Variants in CCDC18 observed in about 807,000 individuals in gnomAD.
The protein encoded by CCDC18 is coiled-coil domain containing 18.
CCDC18 carries 157 observed loss-of-function variants against 196.0 expected under a neutral mutation model. That is an observed-to-expected ratio of 0.80 (90% confidence interval 0.70 to 0.91). The LOEUF (loss-of-function observed/expected upper bound fraction) is 0.91, where lower values mean the gene tolerates loss of function less well. CCDC18 is among the 40% of genes least tolerant of loss of function. The pLI is 0.00. For missense variants in CCDC18, 1,465 were observed against 1,611.6 expected (o/e 0.91, Z 1.56); for synonymous variants, 482 against 529.2 (o/e 0.91, Z 1.22).
At chr1:93,278,050 G>T (rs1041643831) in intron 28 of CCDC18, among the ~76,000 whole-genome samples, 1 of 151,770 alleles carries the variant, frequency 6.6e-6, no homozygotes, top group African/African-American at 2.4e-5. Context: ...GCAGTGGTGC[G>T]ATCTCGGCTC....
chr1:93,240,245 TCTCA>T (rs1660596958), intron 21 of CCDC18, among the ~76,000 whole-genome samples: 1 of 152,222 alleles, frequency 6.6e-6, no homozygotes, highest in Non-Finnish European at 1.5e-5. Context: ...TCACATATGA[TCTCA>T]CTCATTTCCT....
At position 93,185,824 on chromosome 1, in the gene CCDC18, A is replaced by G. The variant is rs150298173; in HGVS notation, c.304-521A>G. The stretch of plus-strand genomic sequence containing the variant: ...ATCACTCAAAATAAAGTTAATTAAA[A>G]GAAATGTTTTGAAAATCACAATCCT... On this transcript the variant is annotated intron_variant, in intron 3 of 28. Coordinates refer to ENST00000690025, the MANE Select transcript of CCDC18 (RefSeq NM_001378204.1). 2.2e-4 allele frequency among the ~76,000 whole-genome samples: 33 copies of G among 152,066 alleles called. No homozygotes were observed. The East Asian group carries it at 6.4e-3, about 29-fold the overall frequency.
At chr1:93,206,095 G>A (rs1654663655) in intron 8 of CCDC18, among the ~76,000 whole-genome samples, 2 of 149,124 alleles carry the variant, frequency 1.3e-5, no homozygotes, top group South Asian at 2.2e-4. Flanking sequence ...CTCTCTTTTA[G>A]TACATCATGT....
chr1:93,199,548 CTCTTG>C (rs1016040885), intron 6 of CCDC18, among the ~76,000 whole-genome samples: 1 of 152,222 alleles, frequency 6.6e-6, no homozygotes, highest in African/African-American at 2.4e-5. Flanking sequence ...TTCTCTCCTT[CTCTTG>C]TCTTTTCTTC....
chr1:93,203,382 G>T (rs1338426575), intron 7 of CCDC18, among the ~76,000 whole-genome samples: 3 of 152,088 alleles, frequency 2.0e-5, no homozygotes, highest in Non-Finnish European at 4.4e-5. Flanking sequence ...GTATCTATAG[G>T]TCTGGATTTA....
In CCDC18 at chr1:93,232,591, C is replaced by G. The variant is rs776209778; in HGVS notation, c.2458C>G (p.Gln820Glu). The change falls in exon 18 of 29, where the codon CAG becomes GAG. Residue 820 changes from glutamine (Q) to glutamate (E), a missense_variant and splice_region_variant. Physicochemically the swap from Gln to Glu is conservative, Grantham distance 29. Transcript: ENST00000690025. Reference protein sequence around the residue: ...LEDTQTKLEKQVSKLEQELQK... With the variant: ...LEDTQTKLEKEVSKLEQELQK... ...AGATACTCAAACTAAACTTGAAAAACAGGTATATATTATTAGCCCAAGATT... is the reference window on the plus strand; with the variant it reads ...AGATACTCAAACTAAACTTGAAAAAGAGGTATATATTATTAGCCCAAGATT... 6.3e-7 allele frequency: 1 copy of G among 1,581,512 alleles called. No individual in the cohort carries two copies. The highest frequency in any genetic ancestry group is 8.6e-7 in the Non-Finnish European group (1 of 1,158,972).
chr1:93,246,611 A>T (rs1398809820), intron 22 of CCDC18, among the ~76,000 whole-genome samples: 1 of 151,902 alleles, frequency 6.6e-6, no homozygotes, highest in Non-Finnish European at 1.5e-5. Flanking sequence ...ATGTATTGTT[A>T]AAAAAAATGC....
chr1:93,220,337 G>A (rs927277143), intron 14 of CCDC18, among the ~76,000 whole-genome samples: 3 of 152,092 alleles, frequency 2.0e-5, no homozygotes, highest in Non-Finnish European at 2.9e-5. Flanking sequence ...ATGAAGGACC[G>A]CATAGAGAAT....
At chr1:93,231,999 G>T (rs1659312267) in intron 17 of CCDC18, among the ~76,000 whole-genome samples, 1 of 152,118 alleles carries the variant, frequency 6.6e-6, no homozygotes, top group South Asian at 2.1e-4. Context: ...CCTTTTTATA[G>T]CAGTAAAATG....
intron 23 of CCDC18, among the ~76,000 whole-genome samples, chr1:93,248,867 G>A (rs909844237): frequency 4.6e-5 from 7 of 151,624 alleles, no homozygotes; most frequent in African/African-American, 1.7e-4. Flanking sequence ...CAGCTATTAA[G>A]GAGGCTGAGG....
chr1:93,269,307 A>G (rs1368272376), intron 27 of CCDC18, among the ~76,000 whole-genome samples: 1 of 150,816 alleles, frequency 6.6e-6, no homozygotes, highest in Non-Finnish European at 1.5e-5. Flanking sequence ...GGATAGCATT[A>G]AGAGAAATCC....
At chr1:93,193,126 A>C (rs560703206) in intron 5 of CCDC18, among the ~76,000 whole-genome samples, 1 of 152,170 alleles carries the variant, frequency 6.6e-6, no homozygotes, top group Non-Finnish European at 1.5e-5. Flanking sequence ...TAATATAATT[A>C]TTTTGTAATT....
At position 93,210,899 on chromosome 1, in the gene CCDC18, C is replaced by A; in HGVS notation, c.1307C>A (p.Ala436Glu). Reference protein sequence around the residue: ...KEDRCIGCCEANKLVISELRI... With the variant: ...KEDRCIGCCEENKLVISELRI... The stretch of plus-strand genomic sequence containing the variant: ...GACCGTTGCATTGGCTGCTGTGAGG[C>A]AAATAAATTGGTGATTTCGGAATTG... Residue 436 changes from alanine to glutamate, a missense_variant, in exon 10 of 29, where the codon GCA (alanine) becomes GAA (glutamate). Coordinates refer to ENST00000690025, the MANE Select transcript of CCDC18 (RefSeq NM_001378204.1). The A allele has an allele frequency of 1.9e-6, 3 of 1,613,668 alleles. No homozygotes were observed. Among genetic ancestry groups the A allele is most frequent in the Non-Finnish European group, 2.5e-6 (3 of 1,179,764 alleles).
rs187617441 is a variant in CCDC18 at position 93,218,134 on chromosome 1, C to G, written c.1962+265C>G. Among the ~76,000 whole-genome samples the G allele has an allele frequency of 3.9e-5, 6 of 152,050 alleles. No homozygotes were observed. The East Asian group carries it at 1.2e-3, about 29-fold the overall frequency. On this transcript the variant is annotated intron_variant, in intron 14 of 28. Coordinates refer to ENST00000690025, the MANE Select transcript of CCDC18 (RefSeq NM_001378204.1). ...TCCATTTCCCTAAAAATATCAGTTG[C>G]TTGAAGATTGATTGAGAGGAAAAAG...
rs1413163088 is a variant in CCDC18 at position 93,207,097 on chromosome 1, T to C, written c.918-10T>C. On this transcript the variant is annotated splice_polypyrimidine_tract_variant and intron_variant, in intron 8 of 28. Coordinates refer to ENST00000690025, the MANE Select transcript of CCDC18 (RefSeq NM_001378204.1). ...ATTTTATTTTCATTTTTATTCTCTT[T>C]TCTTCATAGGCAGTTAAAAGAAGAA... 5.9e-6 allele frequency: 8 copies of C among 1,362,030 alleles called. No homozygotes were observed. In the East Asian group the frequency reaches 1.4e-4, roughly 24 times the overall value. The allele number at this position is 1,362,030 out of a possible 1,614,324, so 84.4% of individuals were successfully genotyped here.
intron 9 of CCDC18, among the ~76,000 whole-genome samples, chr1:93,209,218 G>A (rs1407432137): frequency 5.9e-5 from 9 of 151,806 alleles, no homozygotes; most frequent in East Asian, 1.9e-4. Context: ...TTAGCCTCCC[G>A]AAATGCTGGG....
intron 11 of CCDC18, 31 bp from the exon 12 acceptor site, chr1:93,214,712 T>C (rs1159652091): frequency 6.6e-7 from 1 of 1,509,580 alleles, no homozygotes. Context: ...TGAAGTCCTA[T>C]TCAGAACAAT....
intron 27 of CCDC18, among the ~76,000 whole-genome samples, chr1:93,268,360 G>A (rs1401835420): frequency 6.6e-6 from 1 of 152,158 alleles, no homozygotes; most frequent in Non-Finnish European, 1.5e-5. Context: ...GCCTAGGCAT[G>A]GGCATAGGCA....
chr1:93,184,112 G>A lies in CCDC18; in HGVS notation c.269G>A (p.Ser90Asn), dbSNP rs376226295. The change falls in exon 3 of 29, where the codon AGC becomes AAC. Residue 90 changes from serine to asparagine, a missense_variant. Coordinates refer to ENST00000690025, the MANE Select transcript of CCDC18 (RefSeq NM_001378204.1). The part of the protein sequence containing the change: ...PYENVCKISG[S>N]STDFQKKPRD... ...GAAAACGTCTGTAAAATATCTGGTAGCAGCACTGATTTTCAAAAAAAGCCA... is the reference window on the plus strand; with the variant it reads ...GAAAACGTCTGTAAAATATCTGGTAACAGCACTGATTTTCAAAAAAAGCCA... The A allele has an allele frequency of 1.7e-5, 27 of 1,543,356 alleles. No individual in the cohort carries two copies. The highest frequency in any genetic ancestry group is 2.3e-5 in the East Asian group (1 of 42,874).
Sources: allele counts gnomAD v4.1 joint callset (sites outside exome capture counted in the v4.1 genomes callset), GRCh38; gene constraint gnomAD v4.1.1; transcripts MANE v1.5; gene names NCBI Gene and HGNC (gene_info 2026-07-23, HGNC 2026-07-21).